The following CERKL variants were observed in gnomAD, a reference collection of about 807,000 sequenced individuals.
The protein encoded by CERKL is CERK like autophagy regulator, also known as ceramide kinase-like protein.
In CERKL, 61 loss-of-function variants were observed where a neutral mutation model predicts 63.4. That is an observed-to-expected ratio of 0.96 (90% CI 0.78 to 1.19). The LOEUF is 1.19. Ranked by LOEUF, CERKL falls within the 50% of genes most tolerant of loss-of-function variation. The pLI is 0.00. For missense variants in CERKL, 675 were observed against 655.5 expected (o/e 1.03, Z -0.33); for synonymous variants, 250 against 230.5 (o/e 1.08, Z -0.77).
chr2:181,633,137 G>T (rs184643217), intron 1 of CERKL, among the ~76,000 whole-genome samples: 1 of 152,298 alleles, frequency 6.6e-6, no homozygotes, highest in East Asian at 1.9e-4. Flanking sequence ...TGGAGTAGAA[G>T]GCACACAGAT....
intron 3 of CERKL, among the ~76,000 whole-genome samples, chr2:181,570,666 T>C (rs1688864586): frequency 6.6e-6 from 1 of 152,168 alleles, no homozygotes; most frequent in Non-Finnish European, 1.5e-5. Flanking sequence ...AAGATGCTGA[T>C]CTATATTCAG....
chr2:181,555,403 C>T (rs1688160305), intron 5 of CERKL, among the ~76,000 whole-genome samples: 1 of 152,128 alleles, frequency 6.6e-6, no homozygotes, highest in South Asian at 2.1e-4. Context: ...CTCTTTGAGT[C>T]AAAATCATCT....
rs748736462 is a variant in CERKL, at chr2:181,626,409, C to T, written c.239-22330G>A. Among the ~76,000 whole-genome samples the T allele has an allele frequency of 4.6e-5, 7 of 152,022 alleles. 1 individual carries two copies. Among genetic ancestry groups the T allele is most frequent in the South Asian group, 4.2e-4 (2 of 4,812 alleles). ...GAAGGCACAGGAAGGAAAGAACAGC[C>T]GCCATTGAGATGGTGGCTCTGGTCA... On this transcript the variant is annotated intron_variant, in intron 1 of 12. Coordinates refer to ENST00000410087, the MANE Select transcript of CERKL (RefSeq NM_201548.5).
chr2:181,538,236 G>C lies in CERKL; in HGVS notation c.1547C>G (p.Pro516Arg). 6.4e-7 allele frequency: 1 copy of C among 1,573,384 alleles called. No homozygotes were observed. Among genetic ancestry groups the C allele is most frequent in the Admixed American group, 1.7e-5 (1 of 59,762 alleles). The change falls in exon 13 of 13, where the codon CCA (proline) becomes CGA (arginine). Residue 516 changes from proline (P) to arginine (R), a missense_variant. Coordinates refer to ENST00000410087, the MANE Select transcript of CERKL (RefSeq NM_201548.5). ...VASEVHIRLH[P>R]RLISLYGGSM... is the part of the protein sequence containing the mutation. The stretch of plus-strand genomic sequence containing the variant: ...TCCTCCATAAAGACTGATAAGTCTT[G>C]GATGCAATCTGTAAAGAAAATACAT...
intron 2 of CERKL, among the ~76,000 whole-genome samples, chr2:181,585,198 T>C (rs191908816): frequency 2.0e-5 from 3 of 152,236 alleles, no homozygotes; most frequent in African/African-American, 4.8e-5. Context: ...CCTCTACCAC[T>C]AGGATTTAAG....
chr2:181,632,665 T>C (rs768563777), intron 1 of CERKL, among the ~76,000 whole-genome samples: 4 of 152,148 alleles, frequency 2.6e-5, no homozygotes, highest in Non-Finnish European at 4.4e-5. Flanking sequence ...CAGAGGAAAA[T>C]TGTTAAAGAG....
At chr2:181,635,297 T>G (rs969493575) in intron 1 of CERKL, among the ~76,000 whole-genome samples, 1 of 152,134 alleles carries the variant, frequency 6.6e-6, no homozygotes. Flanking sequence ...CAAGACATAT[T>G]GTTTTTTCCT....
intron 2 of CERKL, 140 bp downstream of exon 2, chr2:181,603,697 C>A (rs1460512820): frequency 9.1e-6 from 8 of 881,458 alleles, no homozygotes; most frequent in Non-Finnish European, 1.5e-5. Context: ...CAAATTTCAA[C>A]ACTTTCTCAC....
intron 1 of CERKL, among the ~76,000 whole-genome samples, chr2:181,631,348 T>G (rs1025886467): frequency 6.6e-6 from 1 of 152,086 alleles, no homozygotes; most frequent in African/African-American, 2.4e-5. Context: ...CCAGGAGAAA[T>G]CAGCATAGAT....
At position 181,608,139 on chromosome 2, in the gene CERKL, G is replaced by C. The variant is rs1025263265; in HGVS notation, c.239-4060C>G. ...CCTGCCTCAGCCTCCCTAGTAACTG[G>C]GACCACAGGTGTGCATCATCACACC... is the stretch of plus-strand genomic sequence containing the variant. On this transcript the variant is annotated intron_variant, in intron 1 of 12. Transcript: ENST00000410087. Among the ~76,000 whole-genome samples, 5 of 152,006 alleles carry C rather than the reference G, an allele frequency of 3.3e-5. No homozygotes were observed. In the East Asian group the frequency reaches 9.7e-4, roughly 29 times the overall value.
chr2:181,587,949 T>C (rs962571768), intron 2 of CERKL, among the ~76,000 whole-genome samples: 3 of 152,142 alleles, frequency 2.0e-5, no homozygotes, highest in Non-Finnish European at 4.4e-5. Flanking sequence ...AAAAGACTTG[T>C]GTACTATATG....
chr2:181,593,498 C>T (rs1383881184), intron 2 of CERKL, among the ~76,000 whole-genome samples: 1 of 149,684 alleles, frequency 6.7e-6, no homozygotes, highest in Non-Finnish European at 1.5e-5. Context: ...ATAGACAATT[C>T]AGAAGTATAT....
chr2:181,617,310 A>G (rs1045067761), intron 1 of CERKL: 3 of 152,222 alleles, frequency 2.0e-5, no homozygotes, highest in Non-Finnish European at 4.4e-5. Context: ...CACTTATATC[A>G]TTTCAGTCGC....
intron 1 of CERKL, chr2:181,617,376 C>T (rs1041288591): frequency 1.3e-5 from 2 of 152,190 alleles, no homozygotes; most frequent in Non-Finnish European, 2.9e-5. Flanking sequence ...GATCAACTGA[C>T]AATACAGACT....
intron 1 of CERKL, among the ~76,000 whole-genome samples, chr2:181,632,461 T>C (rs1269023071): frequency 6.6e-6 from 1 of 152,196 alleles, no homozygotes; most frequent in African/African-American, 2.4e-5. Context: ...AAATTAACTT[T>C]GCTATTCTTC....
intron 1 of CERKL, among the ~76,000 whole-genome samples, chr2:181,611,820 G>A (rs1172226439): frequency 6.6e-6 from 1 of 152,182 alleles, no homozygotes; most frequent in African/African-American, 2.4e-5. Flanking sequence ...ATATGCATAT[G>A]AAAATTTGAA....
chr2:181,608,597 T>C (rs1334822234), intron 1 of CERKL, among the ~76,000 whole-genome samples: 3 of 152,158 alleles, frequency 2.0e-5, no homozygotes, highest in Non-Finnish European at 4.4e-5. Context: ...ATCTTGTAAA[T>C]TGCAAATTTA....
At chr2:181,614,524 T>C (rs1216108441) in intron 1 of CERKL, among the ~76,000 whole-genome samples, 1 of 152,224 alleles carries the variant, frequency 6.6e-6, no homozygotes, top group Non-Finnish European at 1.5e-5. Context: ...AAAATACTGC[T>C]TTTTGTTTAT....
intron 2 of CERKL, among the ~76,000 whole-genome samples, chr2:181,585,887 C>CCATT (rs1264553263): frequency 6.6e-5 from 10 of 152,252 alleles, no homozygotes; most frequent in Admixed American, 4.6e-4. Flanking sequence ...AAAAGCAAGC[C>CCATT]CATTGCCTTA....
Sources: gnomAD v4.1 joint callset for allele counts (sites outside exome capture counted in the v4.1 genomes callset) on GRCh38, gnomAD v4.1.1 for gene constraint, MANE v1.5 for transcripts, NCBI Gene and HGNC (gene_info 2026-07-23, HGNC 2026-07-21) for gene names.